Variants in ADGRF5 observed in about 807,000 individuals in gnomAD.
ADGRF5 encodes the protein G-protein coupled receptor 116.
In ADGRF5, 75 loss-of-function variants were observed where a neutral mutation model predicts 132.3. That is an observed-to-expected ratio of 0.57 (90% CI 0.47 to 0.69). The LOEUF is 0.69. ADGRF5 is among the 30% of genes least tolerant of loss of function. ADGRF5 has a pLI of 0.00. For synonymous variants in ADGRF5, 629 were observed against 597.6 expected, an observed-to-expected ratio of 1.05 and a Z score of -0.77; for missense variants, 1,516 against 1,630.6, an observed-to-expected ratio of 0.93 and a Z score of 1.21.
intron 3 of ADGRF5, among the ~76,000 whole-genome samples, chr6:46,898,711 T>C (rs185696740): frequency 4.7e-4 from 71 of 152,294 alleles, no homozygotes; most frequent in Non-Finnish European, 6.9e-4. Flanking sequence ...AACAGATGCC[T>C]CCACTCTGAT....
intron 3 of ADGRF5, among the ~76,000 whole-genome samples, chr6:46,892,413 G>A (rs1270362377): frequency 6.6e-6 from 1 of 152,112 alleles, no homozygotes; most frequent in Non-Finnish European, 1.5e-5. Context: ...AAAGAATTAT[G>A]TAAGCCTTTG....
At chr6:46,911,873 T>C (rs1775983634) in intron 1 of ADGRF5, among the ~76,000 whole-genome samples, 1 of 152,158 alleles carries the variant, frequency 6.6e-6, no homozygotes, top group South Asian at 2.1e-4. Context: ...TAGATGAACA[T>C]TATTAAAGAA....
chr6:46,865,605 C>G (rs905579017), intron 13 of ADGRF5, among the ~76,000 whole-genome samples: 1 of 152,236 alleles, frequency 6.6e-6, no homozygotes, highest in Middle Eastern at 3.2e-3. Flanking sequence ...TCTTATTTAT[C>G]TTTCCATCTC....
intron 1 of ADGRF5, among the ~76,000 whole-genome samples, chr6:46,950,634 C>T (rs1004852419): frequency 2.6e-5 from 4 of 152,212 alleles, no homozygotes; most frequent in Non-Finnish European, 5.9e-5. Context: ...CCTGCCTCAG[C>T]CTCCTGAGTA....
At chr6:46,905,739 A>G (rs190674899) in intron 2 of ADGRF5, among the ~76,000 whole-genome samples, 6 of 149,768 alleles carry the variant, frequency 4.0e-5, no homozygotes, top group Non-Finnish European at 1.5e-5. Context: ...TGAACCTCTA[A>G]CAACAATGAC....
Position 46,862,622 on chromosome 6 carries a change from G to A in ADGRF5, c.2199+266C>T, listed in dbSNP as rs542790817. ...GCCCCCTGGAGGTATGGAACACATG[G>A]TACTGAGAAGTCAAGGTTAAGGTAT... On this transcript the variant is annotated intron_variant, in intron 15 of 20. Coordinates refer to ENST00000283296, the MANE Select transcript of ADGRF5 (RefSeq NM_001098518.2). Among the ~76,000 whole-genome samples, 149 of 147,744 alleles carry A rather than the reference G, an allele frequency of 1.0e-3. 1 individual carries two copies. The highest frequency in any genetic ancestry group is 3.5e-3 in the Middle Eastern group (1 of 282).
chr6:46,927,193 C>T lies in ADGRF5; in HGVS notation c.-24-20407G>A, dbSNP rs183327126. 2.7e-3 allele frequency among the ~76,000 whole-genome samples: 404 copies of T among 151,228 alleles called. 4 individuals carry two copies. Among genetic ancestry groups the T allele is most frequent in the African/African-American group, 9.5e-3 (389 of 41,108 alleles). On this transcript the variant is annotated intron_variant, in intron 1 of 20. Transcript: ENST00000265417. ...ATAATTTCCTCAGAATTTATCAAGG[C>T]GATTAGTGAACAGTCATAATGCCAA... is the stretch of plus-strand genomic sequence containing the variant.
chr6:46,936,831 G>A (rs1777853806), intron 1 of ADGRF5, among the ~76,000 whole-genome samples: 1 of 152,286 alleles, frequency 6.6e-6, no homozygotes, highest in South Asian at 2.1e-4. Flanking sequence ...TAGTATGGAA[G>A]CACTGGAGAG....
chr6:46,921,426 G>GAA lies in ADGRF5; in HGVS notation c.-25+285_-25+286dup, dbSNP rs11435646. Among the ~76,000 whole-genome samples the GAA allele has an allele frequency of 4.5e-4, 67 of 148,828 alleles. 1 individual carries two copies. Among genetic ancestry groups the GAA allele is most frequent in the Admixed American group, 1.9e-3 (29 of 14,940 alleles). On this transcript the variant is annotated intron_variant, in intron 1 of 20. Transcript: ENST00000283296. Reference sequence around the variant, plus strand: ...GGTTTAAGGACGAGAGAACTTGTTTGAAAAAAAAAAAGTCTGTTATTAAGA... The same window carrying GAA: ...GGTTTAAGGACGAGAGAACTTGTTTGAAAAAAAAAAAAAGTCTGTTATTAAGA...
chr6:46,881,496 G>C lies in ADGRF5; in HGVS notation c.773C>G (p.Thr258Ser). The C allele has an allele frequency of 6.2e-7, 1 of 1,613,222 alleles. No homozygotes were observed. Among genetic ancestry groups the C allele is most frequent in the Non-Finnish European group, 8.5e-7 (1 of 1,179,206 alleles). ...NEQVVQSLNQ[T>S]YKMDYNSFQA... The stretch of plus-strand genomic sequence containing the variant: ...AAAGGAGTTGTAGTCCATTTTGTAG[G>C]TCTGATTGAGGCTCTGTACAACTTG... The change falls in exon 8 of 21, where the codon ACC becomes AGC. Residue 258 changes from threonine to serine, a missense_variant. Thr to Ser is a moderately conservative substitution (Grantham distance 58). Transcript: ENST00000283296.
chr6:46,906,410 A>G (rs1370221165), intron 2 of ADGRF5, among the ~76,000 whole-genome samples: 1 of 152,184 alleles, frequency 6.6e-6, no homozygotes, highest in Non-Finnish European at 1.5e-5. Context: ...TTGAAGCTAC[A>G]TTGGTGTTCC....
chr6:46,875,101 A>G (rs1438595188), intron 10 of ADGRF5, among the ~76,000 whole-genome samples: 3 of 152,210 alleles, frequency 2.0e-5, no homozygotes, highest in Non-Finnish European at 2.9e-5. Flanking sequence ...ATAAGCAAAA[A>G]CACAGAAGCA....
At chr6:46,908,031 T>C (rs748482007) in intron 1 of ADGRF5, 1 of 152,212 alleles carries the variant, frequency 6.6e-6, no homozygotes, top group Admixed American at 6.5e-5. Flanking sequence ...ATGGCCAGGA[T>C]AACACACTGA....
chr6:46,905,860 C>G (rs1169059619), intron 2 of ADGRF5, among the ~76,000 whole-genome samples: 1 of 152,164 alleles, frequency 6.6e-6, no homozygotes, highest in Non-Finnish European at 1.5e-5. Context: ...GTGCCAGACA[C>G]TGTTCTAGAG....
chr6:46,898,326 T>G (rs1774394372), intron 3 of ADGRF5, among the ~76,000 whole-genome samples: 1 of 152,216 alleles, frequency 6.6e-6, no homozygotes, highest in South Asian at 2.1e-4. Flanking sequence ...AGTTTGATTT[T>G]AAAAAGCCAA....
chr6:46,922,102 T>G (rs1777001615), upstream of ADGRF5: 1 of 152,238 alleles, frequency 6.6e-6, no homozygotes, highest in Non-Finnish European at 1.5e-5. Context: ...CCAATGCCCC[T>G]AGTTCTCACT....
chr6:46,939,086 G>A (rs1777958650), intron 1 of ADGRF5, among the ~76,000 whole-genome samples: 1 of 152,092 alleles, frequency 6.6e-6, no homozygotes, highest in African/African-American at 2.4e-5. Flanking sequence ...GGCCAGGATG[G>A]TCTCGATCTC....
At chr6:46,887,542 A>G (rs1021840730) in intron 4 of ADGRF5, among the ~76,000 whole-genome samples, 1 of 152,250 alleles carries the variant, frequency 6.6e-6, no homozygotes, top group Non-Finnish European at 1.5e-5. Flanking sequence ...TTCGAGTAAC[A>G]TATATTAAGA....
In ADGRF5 at chr6:46,891,195, G is replaced by A. The variant is rs372021480; in HGVS notation, c.158-2690C>T. On this transcript the variant is annotated intron_variant, in intron 3 of 20. Coordinates refer to ENST00000283296, the MANE Select transcript of ADGRF5 (RefSeq NM_001098518.2). ...AATAAAGTGACTTTTATAAGAATGC[G>A]GAAACTCAGCCTGTGATGATAGTAT... 8.5e-5 allele frequency among the ~76,000 whole-genome samples: 13 copies of A among 152,240 alleles called. No homozygotes were observed. The East Asian group carries it at 9.6e-4, about 11-fold the overall frequency.
Sources: allele counts gnomAD v4.1 joint callset (sites outside exome capture counted in the v4.1 genomes callset), GRCh38; gene constraint gnomAD v4.1.1; transcripts MANE v1.5; gene names NCBI Gene and HGNC (gene_info 2026-07-23, HGNC 2026-07-21).